ROR2: variants seen among roughly 807,000 people sequenced by gnomAD.
ROR2 encodes ROR family WNT receptor 2.
Under a neutral mutation model 74.9 loss-of-function variants are expected in ROR2, and 33 were observed. The observed-to-expected ratio is 0.44, with a 90% CI of 0.33 to 0.59. The LOEUF is 0.59. Among genes scored for constraint, ROR2 ranks in the 20% least tolerant of loss-of-function variants. The probability of loss-of-function intolerance (pLI) is 0.02; values close to 1 mark genes in which losing one functional copy is unlikely to be tolerated. For synonymous variants in ROR2, 586 were observed against 558.7 expected (o/e 1.05, Z -0.69); for missense variants, 1,216 against 1,313.8 (o/e 0.93, Z 1.15).
At chr9:91,864,683 T>C (rs955186344) in intron 1 of ROR2, among the ~76,000 whole-genome samples, 7 of 152,188 alleles carry the variant, frequency 4.6e-5, no homozygotes, top group African/African-American at 1.7e-4. Flanking sequence ...GCTTCCCACG[T>C]CCATGCTGGC....
intron 1 of ROR2, among the ~76,000 whole-genome samples, chr9:91,920,802 A>G (rs1246508835): frequency 6.6e-6 from 1 of 152,250 alleles, no homozygotes; most frequent in African/African-American, 2.4e-5. Flanking sequence ...CGGAGACCCC[A>G]CTATGGGGCA....
intron 1 of ROR2, among the ~76,000 whole-genome samples, chr9:91,907,374 C>A (rs1378397319): frequency 6.6e-6 from 1 of 152,148 alleles, no homozygotes; most frequent in African/African-American, 2.4e-5. Flanking sequence ...TGTCCAAAAT[C>A]CACCAGCAAA....
intron 1 of ROR2, among the ~76,000 whole-genome samples, chr9:91,924,315 C>A (rs1212565884): frequency 6.6e-6 from 1 of 152,226 alleles, no homozygotes; most frequent in Non-Finnish European, 1.5e-5. Flanking sequence ...TGGAGAGAGG[C>A]AAGGGGAGGA....
chr9:91,909,837 GGTTT>G (rs1830909497), intron 1 of ROR2, among the ~76,000 whole-genome samples: 1 of 52,788 alleles, frequency 1.9e-5, no homozygotes, highest in Non-Finnish European at 3.2e-5. Context: ...TTTTTTTTTA[GGTTT>G]GTTTTGTTTT....
At chr9:91,774,575 AAAC>A (rs564354491) in intron 2 of ROR2, among the ~76,000 whole-genome samples, 2 of 152,228 alleles carry the variant, frequency 1.3e-5, no homozygotes, top group South Asian at 2.1e-4. Flanking sequence ...CCAATCACTG[AAAC>A]AACAAGCAGT....
At chr9:91,813,308 T>C (rs1486671036) in intron 1 of ROR2, among the ~76,000 whole-genome samples, 2 of 152,236 alleles carry the variant, frequency 1.3e-5, no homozygotes, top group Non-Finnish European at 2.9e-5. Flanking sequence ...GTTGATGTTT[T>C]CCCATAACCT....
chr9:91,906,001 T>G (rs936051341), intron 1 of ROR2, among the ~76,000 whole-genome samples: 5 of 113,364 alleles, frequency 4.4e-5, no homozygotes, highest in Non-Finnish European at 7.0e-5. Context: ...TTAAAGAGAA[T>G]TCTTTGAAAA....
intron 1 of ROR2, among the ~76,000 whole-genome samples, chr9:91,884,905 T>G (rs1032606969): frequency 2.6e-5 from 4 of 152,240 alleles, no homozygotes; most frequent in Non-Finnish European, 5.9e-5. Context: ...CAACTTCCTG[T>G]GCTGGGAAGT....
chr9:91,928,385 C>G (rs996055739), intron 1 of ROR2, among the ~76,000 whole-genome samples: 1 of 152,238 alleles, frequency 6.6e-6, no homozygotes, highest in Non-Finnish European at 1.5e-5. Context: ...ATAACAAAAT[C>G]TTTCCATGTA....
chr9:91,941,326 T>C (rs1336617044), intron 1 of ROR2, among the ~76,000 whole-genome samples: 1 of 152,186 alleles, frequency 6.6e-6, no homozygotes, highest in Non-Finnish European at 1.5e-5. Flanking sequence ...CCATTTCGCC[T>C]TTACAGAGAA....
At chr9:91,800,528 G>A (rs1428781620) in intron 1 of ROR2, among the ~76,000 whole-genome samples, 1 of 152,052 alleles carries the variant, frequency 6.6e-6, no homozygotes, top group Non-Finnish European at 1.5e-5. Context: ...TGGCCTCAAG[G>A]AAAGGAGCAA....
chr9:91,832,266 G>T lies in ROR2; in HGVS notation c.98-56448C>A, dbSNP rs150894861. Among the ~76,000 whole-genome samples the T allele has an allele frequency of 8.2e-5, 12 of 146,128 alleles. No homozygotes were observed. In the East Asian group the frequency reaches 1.4e-3, roughly 17 times the overall value. On this transcript the variant is annotated intron_variant, in intron 1 of 8. Coordinates refer to ENST00000375708, the MANE Select transcript of ROR2 (RefSeq NM_004560.4). ...TTAAAATTTAAACACAGTGACTAGC[G>T]ACAGAAGAAATATCACAGATTATGT...
chr9:91,834,167 A>C (rs1482963934), intron 1 of ROR2, among the ~76,000 whole-genome samples: 1 of 152,212 alleles, frequency 6.6e-6, no homozygotes, highest in Non-Finnish European at 1.5e-5. Flanking sequence ...AAAAAGGCAC[A>C]GCCTGGCTCA....
chr9:91,759,568 G>A (rs981143411), intron 2 of ROR2, among the ~76,000 whole-genome samples: 7 of 152,096 alleles, frequency 4.6e-5, no homozygotes, highest in African/African-American at 1.2e-4. Flanking sequence ...CCATGCTCCC[G>A]TCTACTGGAT....
intron 1 of ROR2, among the ~76,000 whole-genome samples, chr9:91,814,908 C>G (rs755164977): frequency 1.3e-5 from 2 of 152,178 alleles, no homozygotes; most frequent in Non-Finnish European, 2.9e-5. Flanking sequence ...CTGGTTTCCA[C>G]GGGCTTAGAG....
intron 5 of ROR2, among the ~76,000 whole-genome samples, chr9:91,734,738 G>T (rs1824964211): frequency 6.6e-6 from 1 of 152,212 alleles, no homozygotes. Flanking sequence ...AGTGCACACA[G>T]AGCCTATAAA....
At chr9:91,763,541 G>A (rs866401550) in intron 2 of ROR2, among the ~76,000 whole-genome samples, 2 of 152,140 alleles carry the variant, frequency 1.3e-5, no homozygotes, top group African/African-American at 4.8e-5. Context: ...GTTTTAGTTC[G>A]CATCTTATGA....
intron 1 of ROR2, among the ~76,000 whole-genome samples, chr9:91,890,587 A>G (rs1436395458): frequency 6.6e-6 from 1 of 152,208 alleles, no homozygotes; most frequent in Admixed American, 6.5e-5. Context: ...TGGGTTTCCT[A>G]TGTTAATTAA....
chr9:91,806,840 C>T (rs942955718), intron 1 of ROR2, among the ~76,000 whole-genome samples: 14 of 152,204 alleles, frequency 9.2e-5, no homozygotes, highest in Admixed American at 2.0e-4. Context: ...CCGCCCGCCT[C>T]GGCCACCCAA....
Sources: gnomAD v4.1 joint callset for allele counts (sites outside exome capture counted in the v4.1 genomes callset) on GRCh38, gnomAD v4.1.1 for gene constraint, MANE v1.5 for transcripts, NCBI Gene and HGNC (gene_info 2026-07-23, HGNC 2026-07-21) for gene names.